ATG7: variants seen among roughly 807,000 people sequenced by gnomAD.
ATG7 encodes ubiquitin-like modifier-activating enzyme ATG7.
In ATG7, 70 loss-of-function variants were observed where a neutral mutation model predicts 82.4. That is an observed-to-expected ratio of 0.85 (90% CI 0.70 to 1.04). The LOEUF is 1.04. Among genes scored for constraint, ATG7 ranks in the 50% least tolerant of loss-of-function variants. The pLI is 0.00. For synonymous variants in ATG7, 287 were observed against 313.0 expected (o/e 0.92, Z 0.88); for missense variants, 792 against 864.3 (o/e 0.92, Z 1.05).
intron 19 of ATG7, among the ~76,000 whole-genome samples, chr3:11,388,621 G>A (rs1392905140): frequency 6.6e-6 from 1 of 151,838 alleles, no homozygotes; most frequent in Non-Finnish European, 1.5e-5. Flanking sequence ...GTAGAGACAG[G>A]GTTTCACCGT....
chr3:11,522,931 A>G (rs991788284), intron 20 of ATG7, among the ~76,000 whole-genome samples: 5 of 152,186 alleles, frequency 3.3e-5, no homozygotes, highest in Non-Finnish European at 7.3e-5. Context: ...TACCAGCCGC[A>G]TGACCTCAAG....
At chr3:11,491,984 C>T (rs2090402698) in intron 20 of ATG7, among the ~76,000 whole-genome samples, 1 of 152,196 alleles carries the variant, frequency 6.6e-6, no homozygotes, top group Admixed American at 6.5e-5. Flanking sequence ...CTGTGGTGGG[C>T]TACACCAAGT....
intron 19 of ATG7, among the ~76,000 whole-genome samples, chr3:11,406,000 G>GTA (rs1553646015): frequency 1.3e-5 from 2 of 150,488 alleles, no homozygotes; most frequent in African/African-American, 4.9e-5. Context: ...TTTTGTTTTT[G>GTA]TTTTTTGTAG....
At chr3:11,510,373 G>C in intron 20 of ATG7, 1 of 400,654 alleles carries the variant, frequency 2.5e-6, no homozygotes, top group Non-Finnish European at 5.0e-6. Context: ...GTTTGTCCCT[G>C]CCCCAGTTTA....
Position 11,459,397 on chromosome 3 carries a change from C to T in ATG7, c.2079+32471C>T, listed in dbSNP as rs749642933. Among the ~76,000 whole-genome samples the T allele has an allele frequency of 9.2e-5, 14 of 152,046 alleles. 1 individual carries two copies. Among genetic ancestry groups the T allele is most frequent in the East Asian group, 1.9e-4 (1 of 5,194 alleles). On this transcript the variant is annotated intron_variant, in intron 20 of 20. Transcript: ENST00000693202. ...AAATGTTTTTATATTTATGTACATTCTGCCTGATTTCAAAAACAGATTTAA... is the reference window on the plus strand; with the variant it reads ...AAATGTTTTTATATTTATGTACATTTTGCCTGATTTCAAAAACAGATTTAA...
intron 19 of ATG7, among the ~76,000 whole-genome samples, chr3:11,397,398 G>C (rs915243270): frequency 5.3e-5 from 8 of 151,308 alleles, no homozygotes; most frequent in African/African-American, 9.7e-5. Flanking sequence ...TTCTAAATTT[G>C]TATGTATTTA....
chr3:11,281,203 C>G (rs547561157), intron 2 of ATG7, 101 bp downstream of exon 2: 1 of 152,330 alleles, frequency 6.6e-6, no homozygotes, highest in Non-Finnish European at 1.5e-5. Context: ...AGGCTGTGCA[C>G]TGCACAAGAG....
intron 20 of ATG7, among the ~76,000 whole-genome samples, chr3:11,551,595 TA>T (rs2071788306): frequency 6.6e-6 from 1 of 152,170 alleles, no homozygotes; most frequent in Non-Finnish European, 1.5e-5. Context: ...TAATTTTTTT[TA>T]AAGTTTTTAT....
At chr3:11,359,929 G>GT in intron 15 of ATG7, among the ~76,000 whole-genome samples, 1 of 149,024 alleles carries the variant, frequency 6.7e-6, no homozygotes, top group East Asian at 2.0e-4. Context: ...TGTAGACTTG[G>GT]TTTTATATAC....
chr3:11,570,238 C>G, the ATG7 span, among the ~76,000 whole-genome samples: 1 of 152,110 alleles, frequency 6.6e-6, no homozygotes, highest in East Asian at 1.9e-4. Context: ...ACCAGGCCCA[C>G]CAAGAGACTC....
chr3:11,393,354 C>T (rs931330434), intron 19 of ATG7, among the ~76,000 whole-genome samples: 8 of 151,374 alleles, frequency 5.3e-5, no homozygotes, highest in African/African-American at 1.9e-4. Context: ...GGGGTATGCA[C>T]TCCTGATTAG....
At chr3:11,372,364 G>C (rs1294619893) in intron 18 of ATG7, among the ~76,000 whole-genome samples, 2 of 151,106 alleles carry the variant, frequency 1.3e-5, no homozygotes, top group Non-Finnish European at 2.9e-5. Flanking sequence ...ATTTTGCAGG[G>C]AGAGGGAATG....
chr3:11,564,936 A>G, the ATG7 span: 1 of 1,585,358 alleles, frequency 6.3e-7, no homozygotes, highest in African/African-American at 1.4e-5. Context: ...GTGCAGGCTC[A>G]TGGTGGGGGC....
Position 11,372,851 on chromosome 3 carries a change from C to CACGTGT in ATG7, c.1876-7121_1876-7120insACGTGT, listed in dbSNP as rs2077123701. Among the ~76,000 whole-genome samples the CACGTGT allele has an allele frequency of 2.4e-5, 2 of 83,250 alleles. 1 individual carries two copies. Among genetic ancestry groups the CACGTGT allele is most frequent in the African/African-American group, 6.1e-5 (2 of 32,850 alleles). The allele number at this position is 83,250 out of a possible 152,430, so 54.6% of individuals were successfully genotyped here. A position where few individuals can be genotyped will look rare whatever the true frequency, so the allele number is the denominator to read the frequency against. ...GCGTGTGTGTGCGTGCGTGCGTGTGCGTGTGTGTGTGTGAAATCGGCCATG... is the reference window on the plus strand; with the variant it reads ...GCGTGTGTGTGCGTGCGTGCGTGTGCACGTGTGTGTGTGTGTGTGAAATCGGCCATG... On this transcript the variant is annotated intron_variant, in intron 18 of 20. Transcript: ENST00000693202.
intron 13 of ATG7, among the ~76,000 whole-genome samples, chr3:11,344,436 A>G (rs982056375): frequency 2.0e-5 from 3 of 152,250 alleles, no homozygotes; most frequent in South Asian, 4.1e-4. Flanking sequence ...TATATCAGAA[A>G]TGTCGAGCTT....
At chr3:11,362,751 G>C in intron 16 of ATG7, 62 bp from the exon 17 acceptor site, 1 of 1,370,248 alleles carries the variant, frequency 7.3e-7, no homozygotes, top group Non-Finnish European at 1.0e-6. Context: ...TTTCATACTT[G>C]AGACAGCTAG....
At chr3:11,324,873 A>C (rs1381552743) in intron 9 of ATG7, among the ~76,000 whole-genome samples, 2 of 152,200 alleles carry the variant, frequency 1.3e-5, no homozygotes. Context: ...GTTAAGAAAA[A>C]ATAACCTTGA....
intron 20 of ATG7, among the ~76,000 whole-genome samples, chr3:11,516,280 T>C (rs960705550): frequency 2.6e-5 from 4 of 152,030 alleles, no homozygotes; most frequent in African/African-American, 9.7e-5. Context: ...GGCACATGTA[T>C]ACATATGTAA....
At chr3:11,303,018 A>C (rs1031111596) in intron 5 of ATG7, among the ~76,000 whole-genome samples, 1 of 152,244 alleles carries the variant, frequency 6.6e-6, no homozygotes, top group Non-Finnish European at 1.5e-5. Context: ...CAAATAGCCC[A>C]GGGCTGCTGG....
Sources: allele counts gnomAD v4.1 joint callset (sites outside exome capture counted in the v4.1 genomes callset), GRCh38; gene constraint gnomAD v4.1.1; transcripts MANE v1.5; gene names NCBI Gene and HGNC (gene_info 2026-07-23, HGNC 2026-07-21).